Variants in PRKDC observed in about 807,000 individuals in gnomAD.
PRKDC encodes the protein protein kinase, DNA-activated, catalytic subunit.
In PRKDC, 82 loss-of-function variants were observed where a neutral mutation model predicts 486.9. That is an observed-to-expected ratio of 0.17 (90% CI 0.14 to 0.20). The LOEUF (loss-of-function observed/expected upper bound fraction) is 0.20, where lower values mean the gene tolerates loss of function less well. PRKDC is among the 10% of genes least tolerant of loss of function. The pLI is 1.00. For missense variants in PRKDC, 4,504 were observed against 5,038.2 expected (o/e 0.89, Z 3.21); for synonymous variants, 1,895 against 1,837.0 (o/e 1.03, Z -0.81).
intron 74 of PRKDC, among the ~76,000 whole-genome samples, chr8:47,789,685 A>T (rs965710137): frequency 2.0e-5 from 3 of 152,222 alleles, no homozygotes; most frequent in African/African-American, 4.8e-5. Flanking sequence ...CAAATTCAAC[A>T]GCACATTAAA....
At chr8:47,813,597 C>T (rs1025331892) in intron 68 of PRKDC, among the ~76,000 whole-genome samples, 4 of 150,774 alleles carry the variant, frequency 2.7e-5, no homozygotes, top group Non-Finnish European at 4.4e-5. Flanking sequence ...CCTTTGGAGA[C>T]GGAGTTTTGC....
intron 21 of PRKDC, among the ~76,000 whole-genome samples, chr8:47,926,479 GA>G (rs992196647): frequency 3.3e-5 from 5 of 151,830 alleles, no homozygotes; most frequent in African/African-American, 1.2e-4. Context: ...GCCTCATGAA[GA>G]AAAAAACCTT....
rs1563761202 is a variant in PRKDC, at chr8:47,839,173, A to G, written c.7528T>C (p.Leu2510=). 6.2e-7 allele frequency: 1 copy of G among 1,613,668 alleles called. No homozygotes were observed. Among genetic ancestry groups the G allele is most frequent in the Non-Finnish European group, 8.5e-7 (1 of 1,179,638 alleles). Residue 2510 remains leucine (L), a synonymous_variant, in exon 56 of 86, where the codon TTG becomes CTG. Coordinates refer to ENST00000314191, the MANE Select transcript of PRKDC (RefSeq NM_006904.7). ...TGAAGTCCAGGGTTCTCATCGATCAATCCTTGAATCAGCACATCTTTTGCC... is the reference window on the plus strand; with the variant it reads ...TGAAGTCCAGGGTTCTCATCGATCAGTCCTTGAATCAGCACATCTTTTGCC... ...KLAKDVLIQG[L]IDENPGLQLI...
rs1194268682 is a variant in PRKDC at position 47,948,460 on chromosome 8, G to GTT, written c.722-4433_722-4432dup. Among the ~76,000 whole-genome samples the GTT allele has an allele frequency of 3.7e-4, 45 of 120,262 alleles. 2 individuals carry two copies. Among genetic ancestry groups the GTT allele is most frequent in the Non-Finnish European group, 5.8e-4 (33 of 56,944 alleles). The allele number at this position is 120,262 out of a possible 152,430, so 78.9% of individuals were successfully genotyped here. On this transcript the variant is annotated intron_variant, in intron 7 of 85. Coordinates refer to ENST00000314191, the MANE Select transcript of PRKDC (RefSeq NM_006904.7). ...ACAGTCTGTATTTCCTGGGTGCCTT[G>GTT]TTTTTTTTTTTTTTTTGAGACAGAG...
chr8:47,930,795 A>C lies in PRKDC; in HGVS notation c.1777-8T>G. The C allele has an allele frequency of 6.4e-7, 1 of 1,553,192 alleles. No individual in the cohort carries two copies. Among genetic ancestry groups the C allele is most frequent in the Non-Finnish European group, 8.7e-7 (1 of 1,151,968 alleles). On this transcript the variant is annotated splice_polypyrimidine_tract_variant and splice_region_variant and intron_variant, in intron 16 of 85. Coordinates refer to ENST00000314191, the MANE Select transcript of PRKDC (RefSeq NM_006904.7). ...AGGCGCCTCATCTCCATTCTTAAAG[A>C]GTAATTGTAGCAAAGAAACATTGTA...
intron 4 of PRKDC, 92 bp from the exon 5 acceptor site, chr8:47,954,538 A>T: frequency 2.1e-6 from 1 of 470,548 alleles, no homozygotes; most frequent in Non-Finnish European, 3.7e-6. Flanking sequence ...GAGGGAAATA[A>T]CGGGATTCCT....
chr8:47,779,558 G>A (rs1251524389), intron 80 of PRKDC, among the ~76,000 whole-genome samples: 1 of 152,318 alleles, frequency 6.6e-6, no homozygotes, highest in South Asian at 2.1e-4. Context: ...GATTATGTCT[G>A]TTTTTATCTT....
At chr8:47,924,847 C>G (rs1041348971) in intron 21 of PRKDC, among the ~76,000 whole-genome samples, 1 of 152,196 alleles carries the variant, frequency 6.6e-6, no homozygotes, top group Non-Finnish European at 1.5e-5. Flanking sequence ...TCCACAGTGT[C>G]CATTCCAGTT....
At chr8:47,791,488 C>CA (rs2086882992) in intron 74 of PRKDC, among the ~76,000 whole-genome samples, 1 of 151,650 alleles carries the variant, frequency 6.6e-6, no homozygotes, top group South Asian at 2.1e-4. Context: ...AACAAACAAA[C>CA]AAAAAACAAC....
rs938302027 is a variant in PRKDC, at chr8:47,828,430, T to A, written c.8398-83A>T. ...ACCAATACTATCAGAGCTTGGAAAA[T>A]ACAAACTGTTGCAAACACATCTATT... On this transcript the variant is annotated intron_variant, in intron 61 of 85. Transcript: ENST00000314191. 4 of 1,199,590 alleles carry A rather than the reference T, an allele frequency of 3.3e-6. No homozygotes were observed. The African/African-American group carries it at 6.1e-5, about 18-fold the overall frequency. 74.3% of individuals were successfully genotyped at this position (1,199,590 alleles called of 1,614,324 possible).
intron 11 of PRKDC, among the ~76,000 whole-genome samples, chr8:47,937,180 G>C (rs550631676): frequency 6.6e-6 from 1 of 151,820 alleles, no homozygotes; most frequent in South Asian, 2.1e-4. Flanking sequence ...AGAATCACTT[G>C]AACCCAGGAA....
rs767235558 is a variant in PRKDC, at chr8:47,882,036, T to C, written c.4838A>G (p.His1613Arg). 2.5e-5 allele frequency: 40 copies of C among 1,613,936 alleles called. No homozygotes were observed. The highest frequency in any genetic ancestry group is 3.2e-5 in the Non-Finnish European group (38 of 1,179,892). Residue 1613 changes from histidine (H) to arginine (R), a missense_variant, in exon 37 of 86, where the codon CAC becomes CGC. Physicochemically the swap from His to Arg is conservative, Grantham distance 29. This residue lies in a region of PRKDC where 1,969 missense variants were observed against 2,068.9 expected (regional missense o/e 0.95). Transcript: ENST00000314191. The stretch of plus-strand genomic sequence containing the variant: ...TGTAGTCGCAAGTTTCAGTCCTTGG[T>C]GTTTCTGGTTTGCTCGCTCCCTGAA... ...QSFRERANQK[H>R]QGLKLATTIL...
At chr8:47,776,096 C>T (rs918934762) in intron 85 of PRKDC, among the ~76,000 whole-genome samples, 2 of 152,072 alleles carry the variant, frequency 1.3e-5, no homozygotes, top group South Asian at 2.1e-4. Context: ...AGTGTTGAGG[C>T]GTGAGCCACC....
chr8:47,934,851 T>C (rs191882431), intron 14 of PRKDC, among the ~76,000 whole-genome samples, 158 bp downstream of exon 14: 1 of 152,338 alleles, frequency 6.6e-6, no homozygotes. Flanking sequence ...TAACAAAATA[T>C]AGAGGTATTA....
intron 13 of PRKDC, among the ~76,000 whole-genome samples, 197 bp downstream of exon 13, chr8:47,935,535 G>A (rs1294588655): frequency 1.3e-5 from 2 of 151,740 alleles, no homozygotes; most frequent in African/African-American, 2.4e-5. Flanking sequence ...AAAATTAATA[G>A]TTCTATTAAT....
intron 68 of PRKDC, among the ~76,000 whole-genome samples, chr8:47,815,873 C>CA (rs1354739015): frequency 2.0e-5 from 3 of 151,906 alleles, no homozygotes; most frequent in African/African-American, 4.8e-5. Flanking sequence ...AAAAGAAAAG[C>CA]AAAAAAATGG....
intron 4 of PRKDC, among the ~76,000 whole-genome samples, chr8:47,955,461 CAAAAAAAA>C (rs746883720): frequency 2.2e-4 from 4 of 18,534 alleles, no homozygotes; most frequent in African/African-American, 5.7e-4. Context: ...GACTCCGTCT[CAAAAAAAA>C]AAAAAAAAAA....
rs369408804 is a variant in PRKDC at position 47,862,358 on chromosome 8, G to A, written c.5919+15C>T. 32 of 1,609,414 alleles carry A rather than the reference G, an allele frequency of 2.0e-5. No individual in the cohort carries two copies. Among genetic ancestry groups the A allele is most frequent in the African/African-American group, 1.3e-4 (10 of 74,826 alleles). On this transcript the variant is annotated intron_variant, in intron 43 of 85. Transcript: ENST00000314191. ...TCCTACAATAACAATAGTGCACACCGTAGGAGTGGCCTACCTTTTCTGGTT... is the reference window on the plus strand; with the variant it reads ...TCCTACAATAACAATAGTGCACACCATAGGAGTGGCCTACCTTTTCTGGTT...
intron 67 of PRKDC, among the ~76,000 whole-genome samples, chr8:47,818,613 T>C (rs928992906): frequency 2.9e-5 from 4 of 136,694 alleles, no homozygotes; most frequent in African/African-American, 1.1e-4. Context: ...GACTAGGTAA[T>C]ATTGATAAAG....
Sources: gnomAD v4.1 joint callset for allele counts (sites outside exome capture counted in the v4.1 genomes callset) on GRCh38, gnomAD v4.1.1 for gene constraint, gnomAD v4.1.1 regional missense constraint, MANE v1.5 for transcripts, NCBI Gene and HGNC (gene_info 2026-07-23, HGNC 2026-07-21) for gene names.